Variants in KIF1B observed in about 807,000 individuals in gnomAD.
The protein encoded by KIF1B is kinesin family member 1B.
A neutral mutation model predicts 241.9 loss-of-function variants in KIF1B; 76 were observed. That is an observed-to-expected ratio of 0.31 (90% confidence interval 0.26 to 0.38). The LOEUF is 0.38. Among genes scored for constraint, KIF1B ranks in the 10% least tolerant of loss-of-function variants. The pLI is 1.00. For synonymous variants in KIF1B, 750 were observed against 796.7 expected (o/e 0.94, Z 0.99); for missense variants, 1,622 against 2,271.4 (o/e 0.71, Z 5.81).
In KIF1B at chr1:10,365,452, G is replaced by A; in HGVS notation, c.4556G>A (p.Gly1519Asp). ...RHFLLLRERL[G>D]DSIPKSLSDS... The stretch of plus-strand genomic sequence containing the variant: ...TTTTTGCTGCTGCGTGAGAGACTTG[G>A]TGACAGCATCCCCAAATCCCTGAGC... The change falls in exon 43 of 49, where the codon GGT becomes GAT. Residue 1519 changes from glycine (G) to aspartate (D), a missense_variant. This residue lies in a region of KIF1B where 357 missense variants were observed against 409.0 expected (regional missense o/e 0.87). Transcript: ENST00000676179. This position sits in a 1 kb window ranked among gnomAD's most constrained non-coding sequence, Gnocchi z 4.0. The A allele has an allele frequency of 6.2e-7, 1 of 1,614,134 alleles. No individual in the cohort carries two copies. Among genetic ancestry groups the A allele is most frequent in the Non-Finnish European group, 8.5e-7 (1 of 1,180,030 alleles).
At chr1:10,271,679 G>A in intron 8 of KIF1B, 100 bp downstream of exon 8, 2 of 854,304 alleles carry the variant, frequency 2.3e-6, no homozygotes, top group East Asian at 2.5e-5. Context: ...ATTTGTTTAT[G>A]TATTGTCTAT....
At chr1:10,353,446 C>T (rs542805366) in intron 38 of KIF1B, among the ~76,000 whole-genome samples, 7 of 152,310 alleles carry the variant, frequency 4.6e-5, no homozygotes, top group South Asian at 2.1e-4. Flanking sequence ...GATCCTCTTA[C>T]CTCACCCAGG....
At chr1:10,361,964 A>G in intron 40 of KIF1B, 139 bp downstream of exon 40, 1 of 918,822 alleles carries the variant, frequency 1.1e-6, no homozygotes, top group East Asian at 2.4e-5. Context: ...CCTGGAATGT[A>G]CTGACTTGCA....
intron 28 of KIF1B, among the ~76,000 whole-genome samples, chr1:10,335,876 C>G (rs1445784421): frequency 6.6e-6 from 1 of 151,512 alleles, no homozygotes; most frequent in East Asian, 1.9e-4. Context: ...TTCCATTTTT[C>G]CATGATCCAG....
intron 22 of KIF1B, chr1:10,299,019 G>A (rs2102262739): frequency 6.7e-6 from 1 of 148,896 alleles, no homozygotes; most frequent in Admixed American, 6.8e-5. Flanking sequence ...GAGAAGATTA[G>A]CATGGCCCCT....
chr1:10,350,728 A>G (rs1652761982), intron 37 of KIF1B, among the ~76,000 whole-genome samples: 1 of 152,144 alleles, frequency 6.6e-6, no homozygotes, highest in Non-Finnish European at 1.5e-5. Context: ...ATAAAGATGT[A>G]ATTTTTTTCC....
In KIF1B at chr1:10,320,063, G is replaced by C; in HGVS notation, c.2136G>C (p.Gln712His). The change falls in exon 23 of 49, where the codon CAG (glutamine) becomes CAC (histidine). Residue 712 changes from glutamine (Q) to histidine (H), a missense_variant. Transcript: ENST00000676179. ...TTCAGGACTATGAGAGTAAATTGCA[G>C]GCCTTGCAGAAGCAGGTTGAAACCC... ...QQRLDYESKL[Q>H]ALQKQVETRS... 1.2e-6 allele frequency: 2 copies of C among 1,613,012 alleles called. No individual in the cohort carries two copies. Among genetic ancestry groups the C allele is most frequent in the Non-Finnish European group, 1.7e-6 (2 of 1,179,146 alleles).
chr1:10,213,136 ATTTCT>A (rs1646719567), intron 1 of KIF1B, among the ~76,000 whole-genome samples: 1 of 151,746 alleles, frequency 6.6e-6, no homozygotes, highest in Non-Finnish European at 1.5e-5. Flanking sequence ...AGTTAGAAGT[ATTTCT>A]AAGTTTTTAA....
chr1:10,232,269 A>T lies in KIF1B; in HGVS notation c.-60A>T. On this transcript the variant is annotated 5_prime_UTR_variant, in exon 2 of 49. Transcript: ENST00000676179. ...TCAAAGGAAACTTGGCTGTAACTTC[A>T]AAAGAAGATTTGATTCTTTATTTCT... is the stretch of plus-strand genomic sequence containing the variant. The T allele has an allele frequency of 7.5e-7, 1 of 1,339,410 alleles. No homozygotes were observed. Among genetic ancestry groups the T allele is most frequent in the Non-Finnish European group, 1.1e-6 (1 of 947,830 alleles). The allele number at this position is 1,339,410 out of a possible 1,614,324, so 83.0% of individuals were successfully genotyped here.
At chr1:10,367,637 C>T (rs1435599264) in intron 43 of KIF1B, among the ~76,000 whole-genome samples, 4 of 150,890 alleles carry the variant, frequency 2.7e-5, no homozygotes, top group African/African-American at 7.3e-5. Context: ...CAGGTTCAAG[C>T]GGTTCTTCTG....
chr1:10,343,313 T>A, intron 34 of KIF1B, 26 bp downstream of exon 34: 2 of 1,609,510 alleles, frequency 1.2e-6, no homozygotes, highest in Non-Finnish European at 1.7e-6. Flanking sequence ...GCTTTTTGCA[T>A]GATGATCTCT....
intron 22 of KIF1B, among the ~76,000 whole-genome samples, chr1:10,313,758 G>T (rs1287592989): frequency 6.6e-6 from 1 of 150,802 alleles, no homozygotes; most frequent in African/African-American, 2.5e-5. Flanking sequence ...CACCGTGTTA[G>T]CCAGGATGGT....
In KIF1B at chr1:10,320,040, C is replaced by T; in HGVS notation, c.2116-3C>T. On this transcript the variant is annotated splice_region_variant and splice_polypyrimidine_tract_variant and intron_variant, in intron 22 of 48. Transcript: ENST00000676179. ...ACATGTTATCTCCTTTCTTTTCATT[C>T]AGGACTATGAGAGTAAATTGCAGGC... The T allele has an allele frequency of 1.2e-6, 2 of 1,603,710 alleles. No homozygotes were observed. The highest frequency in any genetic ancestry group is 1.7e-4 in the Middle Eastern group (1 of 6,048).
At position 10,326,418 on chromosome 1, in the gene KIF1B, C is replaced by A; in HGVS notation, c.2924+59C>A. 1 of 1,609,304 alleles carries A rather than the reference C, an allele frequency of 6.2e-7. No homozygotes were observed. Among genetic ancestry groups the A allele is most frequent in the Non-Finnish European group, 8.5e-7 (1 of 1,177,882 alleles). On this transcript the variant is annotated intron_variant, in intron 27 of 48. Coordinates refer to ENST00000676179, the MANE Select transcript of KIF1B (RefSeq NM_001365951.3). The surrounding 1 kb of genome is among the most constrained non-coding windows in gnomAD (Gnocchi z 5.2). ...GACCAGCTCTTGCTCTGAAGGCCTC[C>A]CTGCTTGCACAATTTTGGATAACCT...
Position 10,337,617 on chromosome 1 carries a change from T to A in KIF1B, c.3422+84T>A, listed in dbSNP as rs1435453249. The A allele has an allele frequency of 7.0e-7, 1 of 1,430,006 alleles. No homozygotes were observed. The highest frequency in any genetic ancestry group is 9.8e-7 in the Non-Finnish European group (1 of 1,016,100). The allele number at this position is 1,430,006 out of a possible 1,614,324, so 88.6% of individuals were successfully genotyped here. A position where few individuals can be genotyped will look rare whatever the true frequency, so the allele number is the denominator to read the frequency against. On this transcript the variant is annotated intron_variant, in intron 31 of 48. Coordinates refer to ENST00000676179, the MANE Select transcript of KIF1B (RefSeq NM_001365951.3). This position sits in a 1 kb window ranked among gnomAD's most constrained non-coding sequence, Gnocchi z 4.0. ...TGCACTGTAGAGTGCTTTACATGTGTGAGGGATTAACACTCTTGAGACAAA... is the reference window on the plus strand; with the variant it reads ...TGCACTGTAGAGTGCTTTACATGTGAGAGGGATTAACACTCTTGAGACAAA...
chr1:10,248,117 A>T (rs1255141151), intron 2 of KIF1B, among the ~76,000 whole-genome samples: 2 of 152,124 alleles, frequency 1.3e-5, no homozygotes, highest in Non-Finnish European at 2.9e-5. Context: ...TTCATCGGTA[A>T]AATCTTTGAA....
intron 35 of KIF1B, among the ~76,000 whole-genome samples, chr1:10,347,250 G>C (rs1652621983): frequency 1.3e-5 from 2 of 152,126 alleles, no homozygotes; most frequent in African/African-American, 2.4e-5. Context: ...TCATCATTGG[G>C]AAACACTTAT....
At chr1:10,227,817 AAG>A (rs1491040196) in intron 1 of KIF1B, 3 of 154,450 alleles carry the variant, frequency 1.9e-5, no homozygotes, top group East Asian at 1.9e-4. Flanking sequence ...TCAAAAAAAA[AAG>A]AGTTGGGAAA....
intron 7 of KIF1B, among the ~76,000 whole-genome samples, chr1:10,270,232 C>G (rs79972360): frequency 0.017 from 2,621 of 152,296 alleles, 85 homozygotes; most frequent in African/African-American, 0.06. Flanking sequence ...TGTAGTCTTT[C>G]TCTATCCCTT....
Sources: gnomAD v4.1 joint callset for allele counts (sites outside exome capture counted in the v4.1 genomes callset) on GRCh38, gnomAD v4.1.1 for gene constraint, gnomAD v4.1.1 regional missense constraint, Gnocchi (gnomAD v3.1) non-coding constraint, MANE v1.5 for transcripts, NCBI Gene and HGNC (gene_info 2026-07-23, HGNC 2026-07-21) for gene names.